The following MIAT variants were observed in gnomAD, a reference collection of about 807,000 sequenced individuals.
MIAT encodes the protein MI related novel mRNA.
At chr22:26,646,633 T>A in exon 1 of MIAT, 1 of 398,652 alleles carries the variant, frequency 2.5e-6, no homozygotes, top group African/African-American at 2.1e-5. Flanking sequence ...TCAGTTTCCT[T>A]GTCTATAAAA....
At chr22:26,672,079 T>C, downstream of MIAT, 1 of 399,530 alleles carries the variant, frequency 2.5e-6, no homozygotes, top group Non-Finnish European at 4.4e-6. Context: ...ACCCCGATCA[T>C]CCCTTAACAA....
chr22:26,663,971 A>T (rs74276997), intron 3 of MIAT, among the ~76,000 whole-genome samples: 1 of 100,440 alleles, frequency 1.0e-5, no homozygotes, highest in African/African-American at 3.6e-5. Flanking sequence ...TTTTTTTTTT[A>T]ATGTTCCATA....
exon 6 of MIAT, chr22:26,669,035 G>C (rs1930954432): frequency 7.5e-6 from 3 of 398,462 alleles, no homozygotes; most frequent in Non-Finnish European, 1.3e-5. Flanking sequence ...CCCAGTCTCA[G>C]GACACTCTTC....
exon 2 of MIAT, chr22:26,647,284 C>G (rs1930249752): frequency 2.5e-6 from 1 of 393,674 alleles, no homozygotes; most frequent in African/African-American, 2.1e-5. Flanking sequence ...TTCACCGTGC[C>G]CTGGAGATGC....
downstream of MIAT, chr22:26,672,945 C>G (rs1931108401): frequency 2.5e-6 from 1 of 398,648 alleles, no homozygotes; most frequent in Non-Finnish European, 4.4e-6. Flanking sequence ...GCTAGAGAGC[C>G]GTCTCCCCTC....
At chr22:26,668,681 G>A (rs537148371) in exon 6 of MIAT, 10 of 399,120 alleles carry the variant, frequency 2.5e-5, no homozygotes, top group Admixed American at 1.3e-4. Flanking sequence ...GCAGCTCCTC[G>A]GGTGCCGCTG....
chr22:26,648,848 C>T (rs1325781399), intron 2 of MIAT, among the ~76,000 whole-genome samples: 1 of 151,876 alleles, frequency 6.6e-6, no homozygotes, highest in Non-Finnish European at 1.5e-5. Context: ...GGTATAAGAA[C>T]TCTAGGTCTT....
At chr22:26,664,232 G>A (rs183350226) in intron 3 of MIAT, among the ~76,000 whole-genome samples, 54 of 152,088 alleles carry the variant, frequency 3.6e-4, no homozygotes, top group Middle Eastern at 3.4e-3. Context: ...GGCTGGTCTC[G>A]AACTCCTGAC....
intron 2 of MIAT, among the ~76,000 whole-genome samples, chr22:26,662,194 C>G (rs1389876787): frequency 6.6e-6 from 1 of 151,932 alleles, no homozygotes; most frequent in Non-Finnish European, 1.5e-5. Flanking sequence ...TGGCCTCAAG[C>G]AATTCTCCTG....
chr22:26,666,648 G>A (rs1930852965), exon 4 of MIAT: 5 of 398,696 alleles, frequency 1.3e-5, no homozygotes, highest in Admixed American at 4.4e-5. Flanking sequence ...AACAGGGAGT[G>A]AGTGAAGGGA....
chr22:26,671,083 G>A, downstream of MIAT: 1 of 398,596 alleles, frequency 2.5e-6, no homozygotes, highest in African/African-American at 2.1e-5. Context: ...GAGAGATGCG[G>A]GTGTGCGTGT....
At chr22:26,663,059 T>G (rs186008282) in intron 2 of MIAT, among the ~76,000 whole-genome samples, 1 of 152,232 alleles carries the variant, frequency 6.6e-6, no homozygotes, top group African/African-American at 2.4e-5. Flanking sequence ...GGTAAAGGAC[T>G]TGGTCAAGGT....
At chr22:26,672,144 T>G (rs1931070699), downstream of MIAT, 1 of 399,936 alleles carries the variant, frequency 2.5e-6, no homozygotes, top group Non-Finnish European at 4.4e-6. Flanking sequence ...TGTGTGTGTC[T>G]GCTGAGGTGC....
downstream of MIAT, chr22:26,670,617 A>AAAG: frequency 2.5e-6 from 1 of 397,456 alleles, no homozygotes; most frequent in Admixed American, 4.4e-5. Context: ...AAAAAAAAAA[A>AAAG]AAAAAAAAAG....
At chr22:26,669,661 A>G (rs995217084), downstream of MIAT, 1 of 398,842 alleles carries the variant, frequency 2.5e-6, no homozygotes. Flanking sequence ...CACCGCAAAC[A>G]TGGAAAGTCA....
At chr22:26,662,547 A>G (rs900124329) in intron 2 of MIAT, among the ~76,000 whole-genome samples, 5 of 152,216 alleles carry the variant, frequency 3.3e-5, no homozygotes, top group African/African-American at 1.2e-4. Context: ...TTTTGTGGAC[A>G]TTGTGTTTGA....
chr22:26,674,064 C>G (rs1931170640), downstream of MIAT: 3 of 398,544 alleles, frequency 7.5e-6, no homozygotes, highest in Admixed American at 4.4e-5. Flanking sequence ...TTCCCCAGGC[C>G]AGGGCCTAGA....
At chr22:26,663,059 T>C (rs186008282) in intron 2 of MIAT, among the ~76,000 whole-genome samples, 20 of 152,350 alleles carry the variant, frequency 1.3e-4, no homozygotes, top group African/African-American at 4.8e-4. Context: ...GGTAAAGGAC[T>C]TGGTCAAGGT....
intron 5 of MIAT, chr22:26,668,049 G>C (rs1930915528): frequency 5.0e-6 from 2 of 397,460 alleles, no homozygotes; most frequent in Non-Finnish European, 8.8e-6. Flanking sequence ...GAGAGACTGG[G>C]GGGATCTCTG....
Sources: allele counts gnomAD v4.1 joint callset (sites outside exome capture counted in the v4.1 genomes callset), GRCh38; gene constraint gnomAD v4.1.1; transcripts MANE v1.5; gene names NCBI Gene and HGNC (gene_info 2026-07-23, HGNC 2026-07-21).